SAMD5: variants seen among roughly 807,000 people sequenced by gnomAD.
The protein encoded by SAMD5 is sterile alpha motif domain containing 5, also known as sterile alpha motif domain-containing protein 5.
In SAMD5, 13 loss-of-function variants were observed where a neutral mutation model predicts 11.3. The observed-to-expected ratio is 1.15, with a 90% confidence interval of 0.75 to 1.83. The LOEUF is 1.83. Among genes scored for constraint, SAMD5 ranks in the 40% most tolerant of loss-of-function variants. SAMD5 has a pLI of 0.00. For missense variants in SAMD5, 255 were observed against 239.1 expected (o/e 1.07, Z -0.44); for synonymous variants, 129 against 111.3 (o/e 1.16, Z -1.00).
intron 1 of SAMD5, among the ~76,000 whole-genome samples, chr6:147,692,733 C>G (rs9399615): frequency 0.4 from 61,369 of 152,132 alleles, 14,904 homozygotes; most frequent in Admixed American, 0.53. Context: ...AGAGGCTGCT[C>G]TCTAGGCAAC....
At chr6:147,560,495 C>T (rs907473345) in intron 1 of SAMD5, among the ~76,000 whole-genome samples, 2 of 152,124 alleles carry the variant, frequency 1.3e-5, no homozygotes, top group African/African-American at 4.8e-5. Flanking sequence ...TCTTCAGCAA[C>T]CAAATATGGA....
chr6:147,611,661 G>A (rs1177148587), intron 1 of SAMD5, among the ~76,000 whole-genome samples: 2 of 152,176 alleles, frequency 1.3e-5, no homozygotes, highest in Non-Finnish European at 2.9e-5. Flanking sequence ...GAAACGTGAA[G>A]GGCACATTGA....
downstream of SAMD5, among the ~76,000 whole-genome samples, chr6:147,572,475 A>G (rs1231611873): frequency 1.3e-5 from 2 of 152,120 alleles, no homozygotes; most frequent in Non-Finnish European, 2.9e-5. Context: ...GCACACGAAA[A>G]ATACTGAAAT....
chr6:147,714,070 T>G (rs1791433782), intron 1 of SAMD5, among the ~76,000 whole-genome samples: 1 of 152,170 alleles, frequency 6.6e-6, no homozygotes, highest in Non-Finnish European at 1.5e-5. Context: ...TTATATTAAA[T>G]GGTTATGAAA....
At chr6:147,740,319 A>G (rs1215616423), downstream of SAMD5, among the ~76,000 whole-genome samples, 1 of 152,230 alleles carries the variant, frequency 6.6e-6, no homozygotes, top group Admixed American at 6.5e-5. Context: ...TGAGAGCTAC[A>G]CATGAGTATT....
At chr6:147,830,251 CTTTTTTTTTTTTTTT>C in the SAMD5 span, among the ~76,000 whole-genome samples, 1 of 84,934 alleles carries the variant, frequency 1.2e-5, no homozygotes, top group African/African-American at 4.7e-5. Context: ...TTCTTTCTTT[CTTTTTTTTTTTTTTT>C]TTTTTTTTTT....
the SAMD5 span, among the ~76,000 whole-genome samples, chr6:147,754,370 T>C: frequency 8.4e-5 from 11 of 130,532 alleles, no homozygotes; most frequent in African/African-American, 2.6e-4. Flanking sequence ...TTTTGAGAAA[T>C]GTCTACTCAA....
the SAMD5 span, among the ~76,000 whole-genome samples, chr6:147,799,404 G>A: frequency 5.9e-4 from 90 of 151,538 alleles, no homozygotes; most frequent in African/African-American, 2.1e-3. Context: ...GCCCCCACTC[G>A]CTTCTGGCTT....
chr6:147,604,896 A>T (rs188163222), intron 1 of SAMD5, among the ~76,000 whole-genome samples: 2 of 152,304 alleles, frequency 1.3e-5, no homozygotes, highest in Admixed American at 6.5e-5. Context: ...AAAATTTAAT[A>T]AAAAAGATAG....
At chr6:147,671,016 T>C (rs765601680) in intron 1 of SAMD5, among the ~76,000 whole-genome samples, 10 of 152,236 alleles carry the variant, frequency 6.6e-5, no homozygotes, top group Non-Finnish European at 1.2e-4. Context: ...CAACTCTTCC[T>C]TTCACTTGAA....
intron 1 of SAMD5, among the ~76,000 whole-genome samples, chr6:147,552,450 T>C (rs1172011213): frequency 2.6e-5 from 4 of 152,230 alleles, no homozygotes; most frequent in Non-Finnish European, 4.4e-5. Context: ...GAAGATACCA[T>C]TCCCCTGGGA....
intron 1 of SAMD5, among the ~76,000 whole-genome samples, chr6:147,700,671 C>A (rs1482228221): frequency 3.3e-5 from 5 of 152,220 alleles, no homozygotes; most frequent in African/African-American, 1.2e-4. Context: ...GAAGTAACAG[C>A]AAGTCTACAT....
At chr6:147,737,005 A>T (rs1791812614) in intron 1 of SAMD5, among the ~76,000 whole-genome samples, 1 of 152,138 alleles carries the variant, frequency 6.6e-6, no homozygotes, top group African/African-American at 2.4e-5. Context: ...AACAAAGATA[A>T]ATCAACATTT....
the SAMD5 span, among the ~76,000 whole-genome samples, chr6:147,755,915 G>GTTC: frequency 6.6e-6 from 1 of 152,066 alleles, no homozygotes; most frequent in Non-Finnish European, 1.5e-5. Context: ...GAACACAAAT[G>GTTC]AATGCTTTTC....
chr6:147,648,443 T>C (rs1177553955), intron 1 of SAMD5, among the ~76,000 whole-genome samples: 2 of 152,158 alleles, frequency 1.3e-5, no homozygotes, highest in Non-Finnish European at 2.9e-5. Flanking sequence ...GGGATTACAA[T>C]TCAAGCTGAG....
chr6:147,662,683 C>G (rs1790664127), intron 1 of SAMD5, among the ~76,000 whole-genome samples: 1 of 152,084 alleles, frequency 6.6e-6, no homozygotes, highest in Non-Finnish European at 1.5e-5. Context: ...AGATGAAAAG[C>G]CTTGGGGTAA....
chr6:147,750,817 G>A, the SAMD5 span, among the ~76,000 whole-genome samples: 3 of 152,210 alleles, frequency 2.0e-5, no homozygotes, highest in Non-Finnish European at 4.4e-5. Context: ...AGCTACTTGG[G>A]AGGCTGAGGC....
At chr6:147,712,309 A>C (rs550996436) in intron 1 of SAMD5, among the ~76,000 whole-genome samples, 32 of 152,342 alleles carry the variant, frequency 2.1e-4, no homozygotes, top group Middle Eastern at 3.4e-3. Context: ...ATGGATATAG[A>C]AAAACAACAA....
At chr6:147,881,314 T>C in the SAMD5 span, among the ~76,000 whole-genome samples, 3 of 152,072 alleles carry the variant, frequency 2.0e-5, no homozygotes, top group African/African-American at 7.2e-5. Flanking sequence ...GGCAACGAAG[T>C]CATTCTAACA....
Sources: gnomAD v4.1 joint callset for allele counts (sites outside exome capture counted in the v4.1 genomes callset) on GRCh38, gnomAD v4.1.1 for gene constraint, MANE v1.5 for transcripts, NCBI Gene and HGNC (gene_info 2026-07-23, HGNC 2026-07-21) for gene names.